Variants in PTGFRN observed in about 807,000 individuals in gnomAD.
The protein encoded by PTGFRN is prostaglandin F2 receptor negative regulator.
PTGFRN carries 35 observed loss-of-function variants against 83.2 expected under a neutral mutation model. That is an observed-to-expected ratio of 0.42 (90% confidence interval 0.32 to 0.56). The LOEUF (loss-of-function observed/expected upper bound fraction) is 0.56, where lower values mean the gene tolerates loss of function less well. PTGFRN is among the 20% of genes least tolerant of loss of function. PTGFRN has a pLI of 0.11. For missense variants in PTGFRN, 1,051 were observed against 1,179.5 expected, an observed-to-expected ratio of 0.89 and a Z score of 1.60; for synonymous variants, 519 against 498.6, an observed-to-expected ratio of 1.04 and a Z score of -0.55.
At chr1:116,968,851 A>G (rs1650912690) in intron 6 of PTGFRN, among the ~76,000 whole-genome samples, 1 of 152,138 alleles carries the variant, frequency 6.6e-6, no homozygotes, top group Admixed American at 6.5e-5. Flanking sequence ...AATGTTTTCA[A>G]GGTCCATTCA....
chr1:116,943,792 C>G (rs1313839678), intron 2 of PTGFRN, among the ~76,000 whole-genome samples: 1 of 151,946 alleles, frequency 6.6e-6, no homozygotes, highest in African/African-American at 2.4e-5. Flanking sequence ...CTAGAATAGC[C>G]CCTTCTCAAG....
chr1:116,941,663 T>C lies in PTGFRN; in HGVS notation c.50-52T>C. ...ATCCACAGGTTTGCCACATTTGTCC[T>C]GGGAAGACTTTCTGTGATTAAAGAC... On this transcript the variant is annotated intron_variant, in intron 1 of 8. Transcript: ENST00000393203. The surrounding 1 kb of genome is among the most constrained non-coding windows in gnomAD (Gnocchi z 5.0). 2 of 1,553,046 alleles carry C rather than the reference T, an allele frequency of 1.3e-6. No individual in the cohort carries two copies.
chr1:116,926,224 C>G (rs888929078), intron 1 of PTGFRN, among the ~76,000 whole-genome samples: 2 of 152,172 alleles, frequency 1.3e-5, no homozygotes, highest in African/African-American at 4.8e-5. Flanking sequence ...GCCTTTTATG[C>G]TCATATGCAA....
intron 4 of PTGFRN, among the ~76,000 whole-genome samples, chr1:116,959,103 T>C (rs1402558700): frequency 6.6e-6 from 1 of 152,236 alleles, no homozygotes; most frequent in Admixed American, 6.5e-5. Flanking sequence ...TGGAGTAATT[T>C]GAGCATTCCT....
At chr1:116,915,520 A>T (rs992774577) in intron 1 of PTGFRN, among the ~76,000 whole-genome samples, 3 of 152,240 alleles carry the variant, frequency 2.0e-5, no homozygotes, top group African/African-American at 7.2e-5. Context: ...TGCCAAGCTG[A>T]TTAATGCCTG....
chr1:116,959,790 A>G (rs1650596143), intron 4 of PTGFRN, among the ~76,000 whole-genome samples: 1 of 152,090 alleles, frequency 6.6e-6, no homozygotes, highest in Non-Finnish European at 1.5e-5. Context: ...CCTGTCCAAC[A>G]TGGCAAAACC....
chr1:116,912,526 C>T (rs191153149), intron 1 of PTGFRN, among the ~76,000 whole-genome samples: 4 of 152,192 alleles, frequency 2.6e-5, no homozygotes, highest in Non-Finnish European at 5.9e-5. Flanking sequence ...TGGCTCTCCC[C>T]GTACCACAGA....
intron 1 of PTGFRN, among the ~76,000 whole-genome samples, chr1:116,928,268 A>G (rs1440882544): frequency 6.6e-6 from 1 of 152,112 alleles, no homozygotes; most frequent in East Asian, 1.9e-4. Context: ...CAATTCTGAT[A>G]TTTCCCTCTG....
At chr1:116,960,959 C>A (rs1650642356) in intron 4 of PTGFRN, among the ~76,000 whole-genome samples, 1 of 152,086 alleles carries the variant, frequency 6.6e-6, no homozygotes, top group African/African-American at 2.4e-5. Flanking sequence ...TGACAGCAGA[C>A]CCCAGTGCCA....
rs764194612 is a variant in PTGFRN, at chr1:116,986,932, G to C, written c.2605G>C (p.Glu869Gln). The C allele has an allele frequency of 6.2e-7, 1 of 1,614,254 alleles. No individual in the cohort carries two copies. Among genetic ancestry groups the C allele is most frequent in the South Asian group, 1.1e-5 (1 of 91,090 alleles). The stretch of plus-strand genomic sequence containing the variant: ...GAAGGAGGTTCAGGAGACACGGCGC[G>C]AGCGCCGCAGGCTCATGTCGATGGA... ...CKKEVQETRR[E>Q]RRRLMSMEMD Residue 869 changes from glutamate (E) to glutamine (Q), a missense_variant, in exon 9 of 9, where the codon GAG becomes CAG. Glu to Gln is a conservative substitution (Grantham distance 29, BLOSUM62 2). This residue lies in a region of PTGFRN where 719 missense variants were observed against 836.6 expected (regional missense o/e 0.86). Coordinates refer to ENST00000393203, the MANE Select transcript of PTGFRN (RefSeq NM_020440.4).
chr1:116,919,697 C>T (rs1478614816), intron 1 of PTGFRN, among the ~76,000 whole-genome samples: 1 of 152,230 alleles, frequency 6.6e-6, no homozygotes, highest in Non-Finnish European at 1.5e-5. Context: ...GGGATTCAAA[C>T]CCAGGTAGTC....
intron 7 of PTGFRN, among the ~76,000 whole-genome samples, chr1:116,977,760 G>C (rs920970952): frequency 1.3e-5 from 2 of 152,172 alleles, no homozygotes; most frequent in Non-Finnish European, 2.9e-5. Flanking sequence ...ATGCCCACAA[G>C]AGAAAGCAGG....
Position 116,961,239 on chromosome 1 carries a change from T to C in PTGFRN, c.1214-4T>C. The C allele has an allele frequency of 6.6e-7, 1 of 1,504,660 alleles. No homozygotes were observed. The highest frequency in any genetic ancestry group is 8.9e-7 in the Non-Finnish European group (1 of 1,128,120). The allele number at this position is 1,504,660 out of a possible 1,614,324, so 93.2% of individuals were successfully genotyped here. A position where few individuals can be genotyped will look rare whatever the true frequency, so the allele number is the denominator to read the frequency against. ...CTATCCTGGCCTTTCTGTCTCTCGT[T>C]CAGAACCAGACTACCAGGTGTACCT... On this transcript the variant is annotated splice_polypyrimidine_tract_variant and splice_region_variant and intron_variant, in intron 4 of 8. Coordinates refer to ENST00000393203, the MANE Select transcript of PTGFRN (RefSeq NM_020440.4). This position sits in a 1 kb window ranked among gnomAD's most constrained non-coding sequence, Gnocchi z 5.4.
intron 1 of PTGFRN, among the ~76,000 whole-genome samples, chr1:116,938,691 G>T (rs998220134): frequency 1.3e-5 from 2 of 152,092 alleles, no homozygotes; most frequent in Non-Finnish European, 2.9e-5. Flanking sequence ...AACCAATCAT[G>T]CCTTCCCAAC....
At chr1:116,910,586 C>T (rs1467881262) in intron 1 of PTGFRN, among the ~76,000 whole-genome samples, 1 of 152,062 alleles carries the variant, frequency 6.6e-6, no homozygotes, top group African/African-American at 2.4e-5. Flanking sequence ...CCCGGCTCAC[C>T]TTGAACTCCC....
intron 3 of PTGFRN, among the ~76,000 whole-genome samples, chr1:116,948,581 A>G (rs987203410): frequency 4.6e-5 from 7 of 152,098 alleles, no homozygotes; most frequent in African/African-American, 1.4e-4. Context: ...TTTCCCTTTT[A>G]TCCCTTAGAC....
Position 116,948,090 on chromosome 1 carries a change from A to G in PTGFRN, c.833-1102A>G, listed in dbSNP as rs1650246521. Among the ~76,000 whole-genome samples, 5 of 152,324 alleles carry G rather than the reference A, an allele frequency of 3.3e-5. 1 individual carries two copies. In the South Asian group the frequency reaches 1.0e-3, roughly 32 times the overall value. Reference sequence around the variant, plus strand: ...TTGGGTCCCTGAGCTTACTGGGGCCAGCGCCATGCCGTTGATGCCAGCGAC... The same window carrying G: ...TTGGGTCCCTGAGCTTACTGGGGCCGGCGCCATGCCGTTGATGCCAGCGAC... On this transcript the variant is annotated intron_variant, in intron 3 of 8. Transcript: ENST00000393203.
rs1651637549 is a variant in PTGFRN, at chr1:116,989,432, T to C, written c.*2465T>C. The C allele has an allele frequency of 6.6e-6, 1 of 152,580 alleles. No homozygotes were observed. Among genetic ancestry groups the C allele is most frequent in the Non-Finnish European group, 1.5e-5 (1 of 68,042 alleles). The allele number at this position is 152,580 out of a possible 1,614,324, so 9.5% of individuals were successfully genotyped here. A position where few individuals can be genotyped will look rare whatever the true frequency, so the allele number is the denominator to read the frequency against. Reference sequence around the variant, plus strand: ...TTTAATGTGGTGAGATGCACTCTTTTGTTGTACCAAATAGGGCTCCCCACC... The same window carrying C: ...TTTAATGTGGTGAGATGCACTCTTTCGTTGTACCAAATAGGGCTCCCCACC... On this transcript the variant is annotated 3_prime_UTR_variant, in exon 9 of 9. Coordinates refer to ENST00000393203, the MANE Select transcript of PTGFRN (RefSeq NM_020440.4).
At chr1:116,944,630 G>T in intron 2 of PTGFRN, 49 bp from the exon 3 acceptor site, 1 of 1,354,084 alleles carries the variant, frequency 7.4e-7, no homozygotes, top group Non-Finnish European at 9.5e-7. Context: ...GCCCTTGCCG[G>T]CTGGGGTCGG....
Sources: allele counts gnomAD v4.1 joint callset (sites outside exome capture counted in the v4.1 genomes callset), GRCh38; gene constraint gnomAD v4.1.1; regional missense constraint gnomAD v4.1.1; non-coding constraint Gnocchi (gnomAD v3.1); transcripts MANE v1.5; gene names NCBI Gene and HGNC (gene_info 2026-07-23, HGNC 2026-07-21).